The following ADGRL3 variants were observed in gnomAD, a reference collection of about 807,000 sequenced individuals.
ADGRL3 encodes the protein calcium-independent alpha-latrotoxin receptor 3.
Under a neutral mutation model 153.5 loss-of-function variants are expected in ADGRL3, and 62 were observed. That is an observed-to-expected ratio of 0.40 (90% confidence interval 0.33 to 0.50). The LOEUF (loss-of-function observed/expected upper bound fraction) is 0.50, where lower values mean the gene tolerates loss of function less well. ADGRL3 is among the 20% of genes least tolerant of loss of function. The pLI is 0.47. For missense variants in ADGRL3, 1,641 were observed against 1,859.4 expected, an observed-to-expected ratio of 0.88 and a Z score of 2.16; for synonymous variants, 710 against 672.5, an observed-to-expected ratio of 1.06 and a Z score of -0.86.
chr4:61,328,917 T>C (rs2095517622), intron 1 of ADGRL3, among the ~76,000 whole-genome samples: 1 of 152,200 alleles, frequency 6.6e-6, no homozygotes, highest in African/African-American at 2.4e-5. Context: ...CGTCCTGCTC[T>C]GTAATCAGTT....
chr4:61,686,958 C>T (rs1292765360), intron 6 of ADGRL3, among the ~76,000 whole-genome samples: 1 of 151,922 alleles, frequency 6.6e-6, no homozygotes, highest in Admixed American at 6.6e-5. Context: ...TCCATATTGT[C>T]ACAAATGACA....
chr4:61,911,634 C>T (rs913321539), intron 12 of ADGRL3, among the ~76,000 whole-genome samples: 5 of 152,102 alleles, frequency 3.3e-5, no homozygotes, highest in Admixed American at 6.6e-5. Flanking sequence ...CTGCAAACCA[C>T]GATGCAAGTC....
intron 1 of ADGRL3, among the ~76,000 whole-genome samples, chr4:61,365,559 A>T (rs75913160): frequency 0.045 from 6,840 of 152,342 alleles, 497 homozygotes; most frequent in African/African-American, 0.16. Flanking sequence ...GCTGCTGGAT[A>T]CTAGGAAGTC....
chr4:62,032,917 C>G (rs1005386699), intron 23 of ADGRL3, among the ~76,000 whole-genome samples: 1 of 151,500 alleles, frequency 6.6e-6, no homozygotes, highest in Non-Finnish European at 1.5e-5. Context: ...GCATTCTAAT[C>G]TAATTCATTA....
chr4:61,701,430 A>ATT (rs71664995), intron 6 of ADGRL3, among the ~76,000 whole-genome samples: 6,371 of 105,348 alleles, frequency 0.06, 577 homozygotes, highest in East Asian at 0.22. Context: ...TAAAGGTACA[A>ATT]TTTTTTTTTT....
intron 2 of ADGRL3, among the ~76,000 whole-genome samples, chr4:61,439,624 G>A (rs902399030): frequency 6.6e-6 from 1 of 151,276 alleles, no homozygotes; most frequent in Non-Finnish European, 1.5e-5. Flanking sequence ...CCCCCGACAC[G>A]CCCCGGTATG....
At chr4:61,777,891 CCTAGGGAAACATAGGA>C (rs1400443756) in intron 8 of ADGRL3, among the ~76,000 whole-genome samples, 4 of 152,108 alleles carry the variant, frequency 2.6e-5, no homozygotes, top group Non-Finnish European at 5.9e-5. Context: ...AATCTACTCT[CCTAGGGAAACATAGGA>C]TAACAAAGTG....
intron 4 of ADGRL3, among the ~76,000 whole-genome samples, chr4:61,549,863 G>T (rs772217090): frequency 4.0e-5 from 6 of 151,858 alleles, no homozygotes; most frequent in African/African-American, 7.3e-5. Context: ...GAAGGGATAA[G>T]ATTTTTCTTT....
chr4:61,496,218 T>A (rs1339068448), intron 2 of ADGRL3, among the ~76,000 whole-genome samples: 1 of 152,218 alleles, frequency 6.6e-6, no homozygotes, highest in African/African-American at 2.4e-5. Flanking sequence ...GTAAGACATA[T>A]ATTTACCTTT....
chr4:61,568,402 T>A (rs1451139046), intron 4 of ADGRL3, among the ~76,000 whole-genome samples: 1 of 152,154 alleles, frequency 6.6e-6, no homozygotes, highest in East Asian at 1.9e-4. Context: ...TGGATCCGAA[T>A]TTGTATTTTC....
At chr4:61,793,331 G>A (rs2097367841) in intron 8 of ADGRL3, among the ~76,000 whole-genome samples, 1 of 152,198 alleles carries the variant, frequency 6.6e-6, no homozygotes, top group Non-Finnish European at 1.5e-5. Context: ...GGCTGAGGCA[G>A]GAGAATGGTG....
At chr4:61,460,678 G>A (rs1015615281) in intron 2 of ADGRL3, among the ~76,000 whole-genome samples, 1 of 152,060 alleles carries the variant, frequency 6.6e-6, no homozygotes, top group African/African-American at 2.4e-5. Context: ...GGCTGGGGAG[G>A]CCTCACAATC....
chr4:61,873,983 GAT>G (rs1478190531), intron 9 of ADGRL3, among the ~76,000 whole-genome samples: 2 of 152,112 alleles, frequency 1.3e-5, no homozygotes, highest in Non-Finnish European at 2.9e-5. Context: ...TCTGAATAAA[GAT>G]ATGAAGCCAG....
chr4:61,714,691 G>T (rs1413479349), intron 6 of ADGRL3, among the ~76,000 whole-genome samples: 1 of 152,156 alleles, frequency 6.6e-6, no homozygotes, highest in Non-Finnish European at 1.5e-5. Context: ...TCCTATTTCA[G>T]TTGTACGGTT....
intron 16 of ADGRL3, 124 bp downstream of exon 16, chr4:61,947,246 A>G (rs1234720737): frequency 4.5e-5 from 34 of 755,902 alleles, no homozygotes; most frequent in Non-Finnish European, 6.1e-5. Context: ...CATTATCTGT[A>G]CAATGTAGTG....
chr4:62,041,527 A>G (rs72640032), intron 24 of ADGRL3, among the ~76,000 whole-genome samples: 1 of 152,054 alleles, frequency 6.6e-6, no homozygotes, highest in Non-Finnish European at 1.5e-5. Context: ...CATCCAACCT[A>G]GGAAATAGAA....
At chr4:61,378,551 G>A (rs1182574768) in intron 1 of ADGRL3, among the ~76,000 whole-genome samples, 2 of 152,030 alleles carry the variant, frequency 1.3e-5, no homozygotes, top group African/African-American at 2.4e-5. Context: ...CTTTGAACAA[G>A]TGTACAGGGG....
chr4:61,542,863 C>A (rs1165861974), intron 4 of ADGRL3, among the ~76,000 whole-genome samples: 1 of 152,142 alleles, frequency 6.6e-6, no homozygotes, highest in African/African-American at 2.4e-5. Flanking sequence ...ACTAAGATTG[C>A]TTTTATTAAG....
chr4:61,432,134 T>C (rs556829890), intron 2 of ADGRL3, among the ~76,000 whole-genome samples: 1 of 152,340 alleles, frequency 6.6e-6, no homozygotes, highest in Admixed American at 6.5e-5. Flanking sequence ...TTTCAAGATA[T>C]AATTGAAATT....
Sources: allele counts gnomAD v4.1 joint callset (sites outside exome capture counted in the v4.1 genomes callset), GRCh38; gene constraint gnomAD v4.1.1; transcripts MANE v1.5; gene names NCBI Gene and HGNC (gene_info 2026-07-23, HGNC 2026-07-21).